CAST: variants seen among roughly 807,000 people sequenced by gnomAD.
CAST encodes MIR583 host.
In CAST, 76 loss-of-function variants were observed where a neutral mutation model predicts 119.6. That is an observed-to-expected ratio of 0.64 (90% CI 0.53 to 0.77). CAST has a LOEUF of 0.77. Ranked by LOEUF, CAST falls within the 30% of genes least tolerant of loss-of-function variation. The pLI is 0.00. For synonymous variants in CAST, 319 were observed against 331.6 expected, an observed-to-expected ratio of 0.96 and a Z score of 0.41; for missense variants, 953 against 946.5, an observed-to-expected ratio of 1.01 and a Z score of -0.09.
At chr5:95,992,389 A>C in the CAST span, among the ~76,000 whole-genome samples, 1 of 151,570 alleles carries the variant, frequency 6.6e-6, no homozygotes, top group Non-Finnish European at 1.5e-5. Flanking sequence ...ATGTGATGAG[A>C]GGGGTACTTC....
the CAST span, among the ~76,000 whole-genome samples, chr5:96,263,560 A>G: frequency 6.6e-6 from 1 of 152,126 alleles, no homozygotes; most frequent in African/African-American, 2.4e-5. Context: ...ACAAAGAGAA[A>G]AGAAGGATCC....
chr5:96,080,203 G>A, the CAST span, among the ~76,000 whole-genome samples: 1 of 152,068 alleles, frequency 6.6e-6, no homozygotes, highest in Non-Finnish European at 1.5e-5. Context: ...ACCTTGAAGA[G>A]GTGTTATGGG....
the CAST span, among the ~76,000 whole-genome samples, chr5:96,470,774 G>A: frequency 6.6e-6 from 1 of 152,042 alleles, no homozygotes; most frequent in African/African-American, 2.4e-5. Context: ...TGAGAGAGTT[G>A]TGAACTATAT....
At chr5:96,421,994 A>T in the CAST span, 3 of 23,364 alleles carry the variant, frequency 1.3e-4, no homozygotes, top group Admixed American at 2.3e-4. Context: ...TGGCAGCATT[A>T]AAAAAAAAAA....
At chr5:96,405,651 A>T in the CAST span, among the ~76,000 whole-genome samples, 1 of 152,160 alleles carries the variant, frequency 6.6e-6, no homozygotes, top group South Asian at 2.1e-4. Flanking sequence ...AGCCTGGGTG[A>T]CGGAGTGAGA....
chr5:96,639,233 A>C (rs1747921616), intron 1 of CAST, among the ~76,000 whole-genome samples: 1 of 152,216 alleles, frequency 6.6e-6, no homozygotes, highest in African/African-American at 2.4e-5. Flanking sequence ...ACCAATGTAC[A>C]GTAGATAATC....
At chr5:96,472,289 A>G in the CAST span, among the ~76,000 whole-genome samples, 1 of 152,194 alleles carries the variant, frequency 6.6e-6, no homozygotes, top group South Asian at 2.1e-4. Context: ...GATGGCAAAT[A>G]CATGGTAAGA....
the CAST span, among the ~76,000 whole-genome samples, chr5:96,031,502 G>C: frequency 6.6e-6 from 1 of 152,086 alleles, no homozygotes; most frequent in Non-Finnish European, 1.5e-5. Flanking sequence ...AGTCACACTG[G>C]TTCAAACATC....
Position 96,729,681 on chromosome 5 carries a change from A to G in CAST, c.505A>G (p.Arg169Gly), listed in dbSNP as rs1312887405. 5.0e-6 allele frequency: 8 copies of G among 1,592,186 alleles called. No homozygotes were observed. In the Admixed American group the frequency reaches 1.3e-4, roughly 27 times the overall value. The change falls in exon 8 of 32, where the codon AGA becomes GGA. Residue 169 changes from arginine to glycine, a missense_variant. By Grantham distance (125) the Arg-to-Gly change is moderately radical. Coordinates refer to ENST00000675179, the MANE Select transcript of CAST (RefSeq NM_001750.7). ...TGCTCACAATAAAAAAGCAGTTTCCAGATCAGCTGAACAGCAGCCATCAGA... is the reference window on the plus strand; with the variant it reads ...TGCTCACAATAAAAAAGCAGTTTCCGGATCAGCTGAACAGCAGCCATCAGA... ...NDAHNKKAVS[R>G]SAEQQPSEKS...
the CAST span, among the ~76,000 whole-genome samples, chr5:96,221,801 G>A: frequency 3.3e-5 from 5 of 151,966 alleles, no homozygotes; most frequent in South Asian, 2.1e-4. Flanking sequence ...AAGAGTCAAA[G>A]GAATCTTGAG....
chr5:96,427,063 A>C, the CAST span, among the ~76,000 whole-genome samples: 3 of 152,208 alleles, frequency 2.0e-5, no homozygotes, highest in Non-Finnish European at 2.9e-5. Context: ...GCTAGGGAAT[A>C]AGTACTAATC....
the CAST span, among the ~76,000 whole-genome samples, chr5:96,242,754 G>A: frequency 1.3e-5 from 2 of 152,180 alleles, no homozygotes; most frequent in East Asian, 3.8e-4. Flanking sequence ...AATAGGAGGT[G>A]TTAGGCATCT....
the CAST span, among the ~76,000 whole-genome samples, chr5:96,354,208 A>G: frequency 5.3e-5 from 8 of 152,114 alleles, no homozygotes; most frequent in African/African-American, 1.7e-4. Context: ...CCCCTTCCCA[A>G]TCTTATCCTC....
chr5:96,344,400 G>A, the CAST span, among the ~76,000 whole-genome samples: 1 of 151,956 alleles, frequency 6.6e-6, no homozygotes, highest in Non-Finnish European at 1.5e-5. Context: ...TTTTTTAAGT[G>A]GTAATCTCAT....
chr5:96,132,346 C>A, the CAST span, among the ~76,000 whole-genome samples: 2 of 152,012 alleles, frequency 1.3e-5, no homozygotes, highest in Non-Finnish European at 2.9e-5. Flanking sequence ...TTGTACAATG[C>A]ATAATGATCA....
chr5:96,174,199 G>T, the CAST span, among the ~76,000 whole-genome samples: 4 of 152,118 alleles, frequency 2.6e-5, no homozygotes, highest in African/African-American at 9.7e-5. Flanking sequence ...AGATTCCCAG[G>T]AGCCTCTTTG....
Position 96,674,480 on chromosome 5 carries a change from G to A in CAST, c.76-1059G>A, listed in dbSNP as rs944272959. On this transcript the variant is annotated intron_variant, in intron 1 of 31. Coordinates refer to ENST00000675179, the MANE Select transcript of CAST (RefSeq NM_001750.7). ...GATGAGCTTTTATTTTTTCATATTT[G>A]GCTCCCTTTTCCCACTTTTTTGAAC... Among the ~76,000 whole-genome samples the A allele has an allele frequency of 4.0e-5, 6 of 151,810 alleles. No individual in the cohort carries two copies. The East Asian group carries it at 7.7e-4, about 20-fold the overall frequency.
chr5:96,738,515 C>G (rs1023250026), intron 11 of CAST, among the ~76,000 whole-genome samples: 1 of 152,154 alleles, frequency 6.6e-6, no homozygotes, highest in East Asian at 1.9e-4. Flanking sequence ...GGGTCACACA[C>G]TTATTTTCCA....
the CAST span, among the ~76,000 whole-genome samples, chr5:96,186,258 G>C: frequency 6.6e-6 from 1 of 152,136 alleles, no homozygotes; most frequent in Admixed American, 6.5e-5. Flanking sequence ...CTGAGACAAT[G>C]GGGTTTTCTA....
Sources: allele counts gnomAD v4.1 joint callset (sites outside exome capture counted in the v4.1 genomes callset), GRCh38; gene constraint gnomAD v4.1.1; transcripts MANE v1.5; gene names NCBI Gene and HGNC (gene_info 2026-07-23, HGNC 2026-07-21).